RAB3GAP1: variants seen among roughly 807,000 people sequenced by gnomAD.
RAB3GAP1 encodes RAB3 GTPase activating protein catalytic subunit 1.
Under a neutral mutation model 130.7 loss-of-function variants are expected in RAB3GAP1, and 86 were observed. The observed-to-expected ratio is 0.66, with a 90% CI of 0.55 to 0.79. The LOEUF (loss-of-function observed/expected upper bound fraction) is 0.79. RAB3GAP1 is among the 30% of genes least tolerant of loss of function. RAB3GAP1 has a pLI of 0.00. For synonymous variants in RAB3GAP1, 367 were observed against 401.7 expected, an observed-to-expected ratio of 0.91 and a Z score of 1.03; for missense variants, 1,029 against 1,169.4, an observed-to-expected ratio of 0.88 and a Z score of 1.75.
chr2:135,119,560 G>A (rs1350307722), intron 7 of RAB3GAP1, among the ~76,000 whole-genome samples: 1 of 151,996 alleles, frequency 6.6e-6, no homozygotes, highest in Non-Finnish European at 1.5e-5. Context: ...TGACTAAAAA[G>A]TTGATATACT....
intron 23 of RAB3GAP1, chr2:135,167,845 A>T: frequency 1.5e-6 from 1 of 669,934 alleles, no homozygotes; most frequent in Non-Finnish European, 2.3e-6. Flanking sequence ...GTTTAGCGCA[A>T]CATGATTTCA....
intron 3 of RAB3GAP1, among the ~76,000 whole-genome samples, chr2:135,076,963 T>C (rs1050886102): frequency 1.3e-5 from 2 of 152,222 alleles, no homozygotes; most frequent in African/African-American, 4.8e-5. Flanking sequence ...TATATGTATA[T>C]ACCACATTTT....
At chr2:135,129,040 T>C (rs1368634373) in intron 11 of RAB3GAP1, among the ~76,000 whole-genome samples, 1 of 152,094 alleles carries the variant, frequency 6.6e-6, no homozygotes, top group East Asian at 1.9e-4. Context: ...AGTCCCAGCC[T>C]ACCCAGGAGG....
chr2:135,143,922 A>G (rs1183896480), intron 17 of RAB3GAP1, among the ~76,000 whole-genome samples: 3 of 152,034 alleles, frequency 2.0e-5, no homozygotes, highest in African/African-American at 7.2e-5. Context: ...TGTTCTCTTA[A>G]CTCTTGCCTC....
At chr2:135,128,354 T>C (rs1691417105) in intron 11 of RAB3GAP1, among the ~76,000 whole-genome samples, 1 of 152,160 alleles carries the variant, frequency 6.6e-6, no homozygotes, top group Non-Finnish European at 1.5e-5. Context: ...ATAAATAAAA[T>C]AGAGATAACA....
At chr2:135,053,011 G>A (rs189610056) in intron 2 of RAB3GAP1, among the ~76,000 whole-genome samples, 1 of 152,242 alleles carries the variant, frequency 6.6e-6, no homozygotes, top group Admixed American at 6.5e-5. Context: ...TATTTTTGGA[G>A]ACAGAGTCTC....
At chr2:135,053,480 T>C (rs919245947) in intron 2 of RAB3GAP1, among the ~76,000 whole-genome samples, 3 of 152,248 alleles carry the variant, frequency 2.0e-5, no homozygotes, top group African/African-American at 7.2e-5. Context: ...CTGTTAAGTG[T>C]CACAGAAACC....
chr2:135,104,714 A>G (rs982903548), intron 5 of RAB3GAP1, among the ~76,000 whole-genome samples: 2 of 151,000 alleles, frequency 1.3e-5, no homozygotes, highest in South Asian at 2.1e-4. Context: ...AAATAAATAA[A>G]TAAATAAATA....
chr2:135,150,494 G>A lies in RAB3GAP1; in HGVS notation c.2049G>A (p.Met683Ile). Residue 683 changes from methionine to isoleucine, a missense_variant, in exon 18 of 24, where the codon ATG (methionine) becomes ATA (isoleucine). Around this residue, in one of 3 missense-constraint regions of RAB3GAP1, gnomAD observed 373 missense variants for 493.6 expected, o/e 0.76. Transcript: ENST00000264158. ...RMQSACLLSDMESFKAANPGC... is the reference protein window; with the variant it reads ...RMQSACLLSDIESFKAANPGC... ...AGAGTGCCTGTCTGCTCTCAGATAT[G>A]GAGTCTTTTAAGGTGGGTCACACTT... 1 of 1,614,056 alleles carries A rather than the reference G, an allele frequency of 6.2e-7. No homozygotes were observed. Among genetic ancestry groups the A allele is most frequent in the Non-Finnish European group, 8.5e-7 (1 of 1,180,012 alleles).
intron 19 of RAB3GAP1, among the ~76,000 whole-genome samples, chr2:135,158,961 AAG>A (rs910729193): frequency 3.3e-5 from 5 of 152,246 alleles, no homozygotes; most frequent in Non-Finnish European, 7.3e-5. Flanking sequence ...ATTTTGAAAA[AAG>A]AAAAATTTGC....
At chr2:135,142,639 T>C (rs1691875444) in intron 17 of RAB3GAP1, among the ~76,000 whole-genome samples, 1 of 152,140 alleles carries the variant, frequency 6.6e-6, no homozygotes. Flanking sequence ...GATGTAGATA[T>C]CACTTATCAT....
chr2:135,103,035 ATTTTTTT>A (rs539310402), intron 5 of RAB3GAP1, among the ~76,000 whole-genome samples: 1 of 90,912 alleles, frequency 1.1e-5, no homozygotes, highest in African/African-American at 5.5e-5. Flanking sequence ...CATTTTTGTG[ATTTTTTT>A]TTTTTTTTTT....
intron 2 of RAB3GAP1, among the ~76,000 whole-genome samples, chr2:135,054,509 A>G (rs1688958400): frequency 6.6e-6 from 1 of 152,238 alleles, no homozygotes; most frequent in African/African-American, 2.4e-5. Context: ...AAACTTGATG[A>G]TACGTTAAAA....
chr2:135,088,892 G>A (rs1690061802), intron 3 of RAB3GAP1, among the ~76,000 whole-genome samples: 2 of 152,082 alleles, frequency 1.3e-5, no homozygotes, highest in South Asian at 4.2e-4. Flanking sequence ...TTCTTTTGCT[G>A]TGCAGAAGCT....
At chr2:135,139,753 C>T (rs1003683262) in intron 17 of RAB3GAP1, among the ~76,000 whole-genome samples, 9 of 152,162 alleles carry the variant, frequency 5.9e-5, no homozygotes, top group African/African-American at 2.2e-4. Flanking sequence ...TAGCCATTAT[C>T]CAAATGTAAC....
chr2:135,124,259 A>G lies in RAB3GAP1; in HGVS notation c.830+13A>G, dbSNP rs912650891. 2 of 1,608,058 alleles carry G rather than the reference A, an allele frequency of 1.2e-6. No individual in the cohort carries two copies. The highest frequency in any genetic ancestry group is 1.1e-5 in the South Asian group (1 of 90,948). The stretch of plus-strand genomic sequence containing the variant: ...AAGATCCTATTAGGTGAGAATTTCA[A>G]CCTGTCATTTGAATTGTGGGAATAT... On this transcript the variant is annotated intron_variant, in intron 9 of 23. Coordinates refer to ENST00000264158, the MANE Select transcript of RAB3GAP1 (RefSeq NM_012233.3).
intron 5 of RAB3GAP1, among the ~76,000 whole-genome samples, chr2:135,096,373 A>G (rs1690290740): frequency 6.6e-6 from 1 of 152,238 alleles, no homozygotes; most frequent in South Asian, 2.1e-4. Flanking sequence ...TAGGCTGTGT[A>G]GCACTTTTAA....
chr2:135,076,118 G>A (rs1417629020), intron 3 of RAB3GAP1, among the ~76,000 whole-genome samples: 1 of 151,876 alleles, frequency 6.6e-6, no homozygotes, highest in Non-Finnish European at 1.5e-5. Context: ...CACAATGTTA[G>A]CTAGGATGTC....
chr2:135,103,927 G>T (rs7573600), intron 5 of RAB3GAP1, among the ~76,000 whole-genome samples: 7 of 151,992 alleles, frequency 4.6e-5, no homozygotes, highest in Non-Finnish European at 8.8e-5. Context: ...CTACACATCC[G>T]TAGATGACAG....
Sources: gnomAD v4.1 joint callset for allele counts (sites outside exome capture counted in the v4.1 genomes callset) on GRCh38, gnomAD v4.1.1 for gene constraint, gnomAD v4.1.1 regional missense constraint, MANE v1.5 for transcripts, NCBI Gene and HGNC (gene_info 2026-07-23, HGNC 2026-07-21) for gene names.